The following ZFHX4 variants were observed in gnomAD, a reference collection of about 807,000 sequenced individuals.
ZFHX4 encodes zinc finger homeobox protein 4.
In ZFHX4, 56 loss-of-function variants were observed where a neutral mutation model predicts 267.6. That is an observed-to-expected ratio of 0.21 (90% confidence interval 0.17 to 0.26). The LOEUF is 0.26. ZFHX4 is among the 10% of genes least tolerant of loss of function. The pLI, the probability that ZFHX4 is intolerant of heterozygous loss-of-function variation, is 1.00. For missense variants in ZFHX4, 4,332 were observed against 4,420.0 expected (o/e 0.98, Z 0.56); for synonymous variants, 1,778 against 1,665.6 (o/e 1.07, Z -1.64).
chr8:76,789,631 C>A (rs1395727747), intron 4 of ZFHX4, among the ~76,000 whole-genome samples: 1 of 152,084 alleles, frequency 6.6e-6, no homozygotes, highest in Non-Finnish European at 1.5e-5. Context: ...CTCCATTAAT[C>A]AAATTAGTCA....
chr8:76,685,846 A>G (rs1807679402), intron 1 of ZFHX4, among the ~76,000 whole-genome samples: 1 of 152,222 alleles, frequency 6.6e-6, no homozygotes, highest in African/African-American at 2.4e-5. Context: ...CTATCATTGC[A>G]TTTTGTGGCT....
intron 3 of ZFHX4, among the ~76,000 whole-genome samples, chr8:76,709,273 A>G (rs1420667806): frequency 1.3e-5 from 2 of 151,972 alleles, no homozygotes; most frequent in Admixed American, 1.3e-4. Flanking sequence ...AATTTGTAGC[A>G]CTCTTCCTGT....
intron 3 of ZFHX4, among the ~76,000 whole-genome samples, chr8:76,766,778 A>G (rs1024883523): frequency 6.6e-6 from 1 of 152,076 alleles, no homozygotes; most frequent in Non-Finnish European, 1.5e-5. Context: ...TATAATTTTT[A>G]AAAGTACTTT....
intron 3 of ZFHX4, among the ~76,000 whole-genome samples, chr8:76,720,805 C>T (rs968743200): frequency 1.3e-5 from 2 of 152,150 alleles, no homozygotes; most frequent in African/African-American, 4.8e-5. Context: ...TTAATTCTCA[C>T]AGCAATTCTA....
In ZFHX4 at chr8:76,707,757, A is replaced by G. The variant is rs1173021555; in HGVS notation, c.2802A>G (p.Glu934=). The G allele has an allele frequency of 5.6e-6, 9 of 1,613,804 alleles. No homozygotes were observed. Among genetic ancestry groups the G allele is most frequent in the East Asian group, 2.2e-5 (1 of 44,892 alleles). The change falls in exon 3 of 11, where the codon GAA becomes GAG. Residue 934 remains glutamate, a synonymous_variant. Transcript: ENST00000651372. ...VSSERSLPEE[E]WRAVIGDIYQ... The stretch of plus-strand genomic sequence containing the variant: ...GTGAGCGCTCTCTCCCTGAAGAGGA[A>G]TGGAGGGCAGTAATTGGAGATATCT...
chr8:76,835,723 A>G (rs12056309), intron 5 of ZFHX4, among the ~76,000 whole-genome samples: 5,446 of 152,218 alleles, frequency 0.036, 223 homozygotes, highest in East Asian at 0.18. Context: ...AAAAGATTTC[A>G]TTAATGACCC....
At chr8:76,838,962 G>A (rs1812162463) in intron 5 of ZFHX4, among the ~76,000 whole-genome samples, 1 of 151,822 alleles carries the variant, frequency 6.6e-6, no homozygotes, top group African/African-American at 2.4e-5. Flanking sequence ...GGCTGAGGTG[G>A]GAGGATTGCT....
chr8:76,683,606 A>G (rs1345726168), intron 1 of ZFHX4, among the ~76,000 whole-genome samples: 22 of 151,140 alleles, frequency 1.5e-4, no homozygotes, highest in Admixed American at 1.4e-3. Context: ...TGTAGATGGC[A>G]AAAAGAGAGA....
At chr8:76,701,925 C>T (rs1253635039) in intron 1 of ZFHX4, among the ~76,000 whole-genome samples, 1 of 152,100 alleles carries the variant, frequency 6.6e-6, no homozygotes, top group Non-Finnish European at 1.5e-5. Flanking sequence ...TTATTCACCA[C>T]CTTGCATTCA....
intron 4 of ZFHX4, among the ~76,000 whole-genome samples, chr8:76,805,032 T>TAC (rs1048986552): frequency 6.6e-5 from 10 of 152,112 alleles, no homozygotes; most frequent in African/African-American, 1.7e-4. Flanking sequence ...GAAAGGGGTT[T>TAC]ACCTCTTCAA....
chr8:76,694,317 C>G (rs994314568), intron 1 of ZFHX4, among the ~76,000 whole-genome samples: 6 of 152,180 alleles, frequency 3.9e-5, no homozygotes, highest in African/African-American at 7.2e-5. Context: ...ATACAATGAT[C>G]TCAAAGTGGA....
intron 3 of ZFHX4, among the ~76,000 whole-genome samples, chr8:76,729,579 A>G (rs962202669): frequency 2.6e-5 from 4 of 152,328 alleles, no homozygotes; most frequent in African/African-American, 9.6e-5. Flanking sequence ...CTCCCATGAG[A>G]TAGATGGCTC....
chr8:76,819,960 T>A (rs557230895), intron 4 of ZFHX4, among the ~76,000 whole-genome samples: 1 of 152,290 alleles, frequency 6.6e-6, no homozygotes, highest in East Asian at 1.9e-4. Context: ...AGGACAAAAG[T>A]GAGGATCAGA....
chr8:76,695,894 G>T (rs1807942856), intron 1 of ZFHX4, among the ~76,000 whole-genome samples: 1 of 152,158 alleles, frequency 6.6e-6, no homozygotes. Flanking sequence ...ACTATTGTCT[G>T]TTTGCACTTA....
chr8:76,749,442 C>A (rs75636011), intron 3 of ZFHX4, among the ~76,000 whole-genome samples: 5,118 of 152,228 alleles, frequency 0.034, 112 homozygotes, highest in East Asian at 0.1. Flanking sequence ...TATCAATCCT[C>A]ATAACTTAGG....
chr8:76,730,547 A>C (rs1808980714), intron 3 of ZFHX4, among the ~76,000 whole-genome samples: 1 of 151,722 alleles, frequency 6.6e-6, no homozygotes, highest in South Asian at 2.1e-4. Context: ...AAAAATACAT[A>C]AATTAGCCGG....
chr8:76,729,433 G>A (rs1359731079), intron 3 of ZFHX4, among the ~76,000 whole-genome samples: 1 of 152,164 alleles, frequency 6.6e-6, no homozygotes. Flanking sequence ...AAATGATTCT[G>A]CTAAATTGTT....
intron 4 of ZFHX4, among the ~76,000 whole-genome samples, chr8:76,780,927 A>T (rs1397937817): frequency 6.6e-6 from 1 of 152,020 alleles, no homozygotes; most frequent in East Asian, 1.9e-4. Context: ...CTTTAGTTGG[A>T]TTGACTTTGT....
In ZFHX4 at chr8:76,706,355, C is replaced by A; in HGVS notation, c.2267C>A (p.Pro756His). Residue 756 changes from proline (P) to histidine (H), a missense_variant, in exon 2 of 11, where the codon CCC (proline) becomes CAC (histidine). Physicochemically the swap from Pro to His is moderately conservative, Grantham distance 77. Transcript: ENST00000651372. ...PNTSLSGCGT[P>H]SPSKPKQKPT... ...ACCAGCCTCAGTGGCTGCGGAACAC[C>A]CTCTCCGTCCAAACCCAAACAGAAA... The A allele has an allele frequency of 6.2e-7, 1 of 1,614,028 alleles. No homozygotes were observed. The highest frequency in any genetic ancestry group is 2.2e-5 in the East Asian group (1 of 44,856).
Sources: allele counts gnomAD v4.1 joint callset (sites outside exome capture counted in the v4.1 genomes callset), GRCh38; gene constraint gnomAD v4.1.1; transcripts MANE v1.5; gene names NCBI Gene and HGNC (gene_info 2026-07-23, HGNC 2026-07-21).